Variants in JHY observed in about 807,000 individuals in gnomAD.
JHY encodes the protein jhy protein homolog.
Under a neutral mutation model 78.0 loss-of-function variants are expected in JHY, and 69 were observed. That is an observed-to-expected ratio of 0.88 (90% CI 0.73 to 1.08). The LOEUF (loss-of-function observed/expected upper bound fraction) is 1.08, where lower values mean the gene tolerates loss of function less well. Among genes scored for constraint, JHY ranks in the 50% least tolerant of loss-of-function variants. The pLI is 0.00. For missense variants in JHY, 944 were observed against 927.8 expected, an observed-to-expected ratio of 1.02 and a Z score of -0.23; for synonymous variants, 368 against 342.6, an observed-to-expected ratio of 1.07 and a Z score of -0.82.
chr11:122,892,487 T>A (rs948890058), intron 2 of JHY, among the ~76,000 whole-genome samples: 8 of 152,068 alleles, frequency 5.3e-5, no homozygotes, highest in African/African-American at 1.9e-4. Context: ...CATGCCTGGC[T>A]AATTTTTTGT....
intron 2 of JHY, among the ~76,000 whole-genome samples, chr11:122,892,569 A>G (rs1862646511): frequency 6.6e-6 from 1 of 152,020 alleles, no homozygotes; most frequent in East Asian, 1.9e-4. Context: ...TGATCTGCCC[A>G]CCTCGGCCTC....
intron 2 of JHY, among the ~76,000 whole-genome samples, chr11:122,887,743 A>G (rs1862527508): frequency 1.3e-5 from 2 of 152,074 alleles, no homozygotes; most frequent in African/African-American, 2.4e-5. Context: ...TGGGAGTGAC[A>G]TGTTTGTGGC....
intron 5 of JHY, among the ~76,000 whole-genome samples, chr11:122,941,418 C>G (rs937482539): frequency 6.6e-6 from 1 of 152,104 alleles, no homozygotes; most frequent in Non-Finnish European, 1.5e-5. Context: ...CTTAGTTTAC[C>G]AAAACATCAA....
At chr11:122,928,741 C>T (rs1252785869) in intron 4 of JHY, among the ~76,000 whole-genome samples, 10 of 152,120 alleles carry the variant, frequency 6.6e-5, no homozygotes, top group Admixed American at 1.3e-4. Context: ...CTCCGTCTCC[C>T]GGGTTCAAGC....
Position 122,934,441 on chromosome 11 carries a change from C to G in JHY, c.1000C>G (p.Gln334Glu). 6.2e-7 allele frequency: 1 copy of G among 1,612,828 alleles called. No individual in the cohort carries two copies. Among genetic ancestry groups the G allele is most frequent in the Non-Finnish European group, 8.5e-7 (1 of 1,179,220 alleles). The change falls in exon 5 of 9, where the codon CAA becomes GAA. Residue 334 changes from glutamine (Q) to glutamate (E), a missense_variant. Coordinates refer to ENST00000227349, the MANE Select transcript of JHY (RefSeq NM_024806.4). ...QLKNYQEHWS[Q>E]YESTKSSNVP... ...TTAGAATTACCAGGAACACTGGTCT[C>G]AATATGAAAGTACAAAATCAAGCAA...
chr11:122,916,619 T>C (rs1437503361), intron 3 of JHY, among the ~76,000 whole-genome samples: 1 of 152,034 alleles, frequency 6.6e-6, no homozygotes, highest in East Asian at 1.9e-4. Context: ...TGGTTTTTTG[T>C]TTTTTGTTGT....
At chr11:122,901,920 G>A (rs1025240908) in intron 2 of JHY, among the ~76,000 whole-genome samples, 2 of 151,476 alleles carry the variant, frequency 1.3e-5, no homozygotes, top group Admixed American at 1.3e-4. Context: ...GTTAAAAACT[G>A]AGACACAAAC....
rs1863462406 is a variant in JHY at position 122,924,921 on chromosome 11, G to A, written c.889G>A (p.Asp297Asn). 7.4e-6 allele frequency: 12 copies of A among 1,613,932 alleles called. No individual in the cohort carries two copies. The highest frequency in any genetic ancestry group is 1.0e-5 in the Non-Finnish European group (12 of 1,179,872). The change falls in exon 4 of 9, where the codon GAC becomes AAC. Residue 297 changes from aspartate to asparagine, a missense_variant. Coordinates refer to ENST00000227349, the MANE Select transcript of JHY (RefSeq NM_024806.4). ...GATCTCCTACCCCGTCAGAGTAACA[G>A]ACAAGACGTCTATTCAGAATGCCAA... ...EQISYPVRVT[D>N]KTSIQNAKEM...
chr11:122,948,130 G>A (rs567054194), intron 6 of JHY, among the ~76,000 whole-genome samples: 7 of 152,258 alleles, frequency 4.6e-5, no homozygotes, highest in East Asian at 3.9e-4. Context: ...CCATTCCTAA[G>A]TTGAATTCAG....
chr11:122,927,716 C>A (rs1237860371), intron 4 of JHY, among the ~76,000 whole-genome samples: 1 of 149,438 alleles, frequency 6.7e-6, no homozygotes, highest in African/African-American at 2.5e-5. Context: ...GTTTCTTTTT[C>A]TTTTCTTTTC....
At chr11:122,889,556 C>T (rs1862566221) in intron 2 of JHY, among the ~76,000 whole-genome samples, 2 of 152,068 alleles carry the variant, frequency 1.3e-5, no homozygotes, top group South Asian at 2.1e-4. Flanking sequence ...ACAAATATTA[C>T]CCCAATTTAT....
rs561901006 is a variant in JHY at position 122,935,945 on chromosome 11, A to C, written c.1634+870A>C. Among the ~76,000 whole-genome samples the C allele has an allele frequency of 6.6e-6, 1 of 152,230 alleles. No individual in the cohort carries two copies. The highest frequency in any genetic ancestry group is 2.4e-5 in the African/African-American group (1 of 41,472). ...ATGACACTGGTAGAAGAAAAAGTACATCTAAGGAGTATGAGTTCTACTGTG... is the reference window on the plus strand; with the variant it reads ...ATGACACTGGTAGAAGAAAAAGTACCTCTAAGGAGTATGAGTTCTACTGTG... On this transcript the variant is annotated intron_variant, in intron 5 of 8. Coordinates refer to ENST00000227349, the MANE Select transcript of JHY (RefSeq NM_024806.4). This position sits in a 1 kb window ranked among gnomAD's most constrained non-coding sequence, Gnocchi z 4.5.
chr11:122,905,975 C>G (rs898967917), intron 3 of JHY: 1 of 151,992 alleles, frequency 6.6e-6, no homozygotes, highest in Admixed American at 6.6e-5. Context: ...AGAATTATGT[C>G]ACATCTTTGC....
rs1389619167 is a variant in JHY at position 122,960,006 on chromosome 11, G to A, written c.*561G>A. Among the ~76,000 whole-genome samples, 4 of 152,186 alleles carry A rather than the reference G, an allele frequency of 2.6e-5. No homozygotes were observed. The highest frequency in any genetic ancestry group is 9.6e-5 in the African/African-American group (4 of 41,458). Reference sequence around the variant, plus strand: ...CCCAGCACTTTGGGAAGCTGAGGCAGTTGAATAGCTTGAGGCCAGGAGTTT... The same window carrying A: ...CCCAGCACTTTGGGAAGCTGAGGCAATTGAATAGCTTGAGGCCAGGAGTTT... On this transcript the variant is annotated 3_prime_UTR_variant, in exon 9 of 9. Transcript: ENST00000227349.
At chr11:122,957,529 A>T in intron 8 of JHY, 38 bp downstream of exon 8, 1 of 1,504,310 alleles carries the variant, frequency 6.6e-7, no homozygotes, top group Non-Finnish European at 8.8e-7. Context: ...TTTTTCAAGC[A>T]GAATTAAAAG....
At chr11:122,948,468 A>AATAATC (rs1555059948) in intron 6 of JHY, among the ~76,000 whole-genome samples, 1 of 148,376 alleles carries the variant, frequency 6.7e-6, no homozygotes, top group African/African-American at 2.5e-5. Flanking sequence ...TAATAATAAT[A>AATAATC]ATAATAATAA....
intron 3 of JHY, among the ~76,000 whole-genome samples, chr11:122,906,060 G>A (rs554487562): frequency 3.9e-5 from 6 of 151,990 alleles, no homozygotes; most frequent in Non-Finnish European, 8.8e-5. Flanking sequence ...GTGAATTCAA[G>A]CAGTTTTTAG....
Position 122,957,422 on chromosome 11 carries a change from G to A in JHY, c.2070G>A (p.Lys690=). ...AACAAGTCAAGGAGTACAACATGAA[G>A]ACACTATCCATTCTATCAAAACCAC... ...YAKQVKEYNM[K]TLSILSKPQT... is the part of the protein sequence containing the mutation. The change falls in exon 8 of 9, where the codon AAG becomes AAA. Residue 690 remains lysine, a synonymous_variant. Coordinates refer to ENST00000227349, the MANE Select transcript of JHY (RefSeq NM_024806.4). 6.5e-7 allele frequency: 1 copy of A among 1,535,878 alleles called. No homozygotes were observed. The highest frequency in any genetic ancestry group is 8.7e-7 in the Non-Finnish European group (1 of 1,153,338).
chr11:122,942,498 A>T (rs897594822), intron 5 of JHY, among the ~76,000 whole-genome samples: 2 of 152,140 alleles, frequency 1.3e-5, no homozygotes, highest in Admixed American at 1.3e-4. Flanking sequence ...ATCTTGGCTC[A>T]CTGCAACCTC....
Sources: allele counts gnomAD v4.1 joint callset (sites outside exome capture counted in the v4.1 genomes callset), GRCh38; gene constraint gnomAD v4.1.1; non-coding constraint Gnocchi (gnomAD v3.1); transcripts MANE v1.5; gene names NCBI Gene and HGNC (gene_info 2026-07-23, HGNC 2026-07-21).